POLR1A: variants seen among roughly 807,000 people sequenced by gnomAD.
POLR1A encodes the protein RNA polymerase I subunit A.
In POLR1A, 84 loss-of-function variants were observed where a neutral mutation model predicts 205.3. That is an observed-to-expected ratio of 0.41 (90% CI 0.34 to 0.49). The LOEUF is 0.49. POLR1A is among the 20% of genes least tolerant of loss of function. POLR1A has a pLI of 0.22. For missense variants in POLR1A, 1,645 were observed against 2,204.5 expected, an observed-to-expected ratio of 0.75 and a Z score of 5.08; for synonymous variants, 799 against 863.7, an observed-to-expected ratio of 0.93 and a Z score of 1.31.
At chr2:86,074,975 A>G (rs1673253323) in intron 12 of POLR1A, 55 bp downstream of exon 12, 1 of 1,261,866 alleles carries the variant, frequency 7.9e-7, no homozygotes, top group Non-Finnish European at 1.1e-6. Flanking sequence ...GCCACCAATC[A>G]CCAGAATCCG....
At chr2:86,082,869 C>T (rs760041130) in intron 7 of POLR1A, among the ~76,000 whole-genome samples, 18 of 152,148 alleles carry the variant, frequency 1.2e-4, no homozygotes, top group Admixed American at 5.9e-4. Flanking sequence ...GGCTCAGCTG[C>T]GATAATTGTC....
chr2:86,055,773 G>A (rs1422115393), intron 14 of POLR1A, among the ~76,000 whole-genome samples: 4 of 152,172 alleles, frequency 2.6e-5, no homozygotes, highest in Admixed American at 1.3e-4. Context: ...ACTAGGAACA[G>A]ACTGTCACCA....
chr2:86,049,225 C>T lies in POLR1A; in HGVS notation c.2410G>A (p.Val804Met). 1 of 1,613,784 alleles carries T rather than the reference C, an allele frequency of 6.2e-7. No homozygotes were observed. The highest frequency in any genetic ancestry group is 8.5e-7 in the Non-Finnish European group (1 of 1,179,708). The change falls in exon 17 of 34, where the codon GTG becomes ATG. Residue 804 changes from valine (V) to methionine (M), a missense_variant. This residue lies in a region of POLR1A where 339 missense variants were observed against 415.1 expected (regional missense o/e 0.82). Transcript: ENST00000263857. The part of the protein sequence containing the change: ...GFTLGVEDIL[V>M]KPKADVKRQR... ...CTCTTGACATCTGCCTTTGGCTTCA[C>T]CAAAATGTCTTCCACGCCTGTGAAG...
chr2:86,089,140 T>C (rs549525918), intron 4 of POLR1A, among the ~76,000 whole-genome samples: 98 of 152,350 alleles, frequency 6.4e-4, no homozygotes, highest in Non-Finnish European at 9.7e-4. Context: ...GAATCATGAA[T>C]GCAGTGGGGG....
intron 14 of POLR1A, among the ~76,000 whole-genome samples, chr2:86,062,146 A>T (rs149879615): frequency 6.6e-6 from 1 of 152,280 alleles, no homozygotes; most frequent in African/African-American, 2.4e-5. Flanking sequence ...CTGATTCTAA[A>T]CATGGTTTTT....
intron 13 of POLR1A, among the ~76,000 whole-genome samples, chr2:86,069,481 G>A (rs1353910033): frequency 6.6e-6 from 1 of 152,200 alleles, no homozygotes; most frequent in African/African-American, 2.4e-5. Flanking sequence ...TGTCCCTCTG[G>A]ACAGCTGTGA....
chr2:86,064,217 T>G (rs1185671418), intron 14 of POLR1A, among the ~76,000 whole-genome samples: 1 of 152,116 alleles, frequency 6.6e-6, no homozygotes, highest in African/African-American at 2.4e-5. Context: ...ATGCAAGAAT[T>G]TGTTTGTGGG....
In POLR1A at chr2:86,047,169, A is replaced by G; in HGVS notation, c.2729T>C (p.Met910Thr). ...SGAKGSTVNT[M>T]QISCLLGQIE... ...CCAACCCGCCTCTGCACATACCTGC[A>G]TCGTGTTCACAGTTGAACCTTTGGC... Residue 910 changes from methionine (M) to threonine (T), a missense_variant, in exon 19 of 34, where the codon ATG becomes ACG. Met to Thr is a moderately conservative substitution (Grantham distance 81). This residue lies in a region of POLR1A where 339 missense variants were observed against 415.1 expected (regional missense o/e 0.82). Transcript: ENST00000263857. 1.2e-6 allele frequency: 2 copies of G among 1,612,910 alleles called. No homozygotes were observed. The highest frequency in any genetic ancestry group is 1.7e-6 in the Non-Finnish European group (2 of 1,178,878).
At chr2:86,086,954 T>C (rs772948652) in intron 6 of POLR1A, among the ~76,000 whole-genome samples, 1 of 152,214 alleles carries the variant, frequency 6.6e-6, no homozygotes, top group Non-Finnish European at 1.5e-5. Context: ...CAGTGTTAAC[T>C]ACCAACCATG....
At chr2:86,039,552 T>A in intron 25 of POLR1A, 90 bp from the exon 26 acceptor site, 2 of 1,486,330 alleles carry the variant, frequency 1.3e-6, no homozygotes, top group Non-Finnish European at 1.9e-6. Flanking sequence ...AGAGTTCTTT[T>A]GGAATCTGAG....
chr2:86,089,247 G>A (rs1366257908), intron 4 of POLR1A, among the ~76,000 whole-genome samples: 2 of 152,222 alleles, frequency 1.3e-5, no homozygotes, highest in African/African-American at 2.4e-5. Flanking sequence ...GGACCTCAGG[G>A]TTCTAAGGAA....
intron 14 of POLR1A, among the ~76,000 whole-genome samples, chr2:86,059,670 A>C (rs1272660698): frequency 6.6e-6 from 1 of 152,102 alleles, no homozygotes; most frequent in Non-Finnish European, 1.5e-5. Context: ...CGTTCAAGTG[A>C]TTTTCGTGCC....
chr2:86,055,528 A>G (rs1307658328), intron 14 of POLR1A, among the ~76,000 whole-genome samples: 3 of 152,234 alleles, frequency 2.0e-5, no homozygotes, highest in Non-Finnish European at 2.9e-5. Flanking sequence ...CAAAGGCAGG[A>G]GAGTGACACG....
At position 86,033,779 on chromosome 2, in the gene POLR1A, T is replaced by G; in HGVS notation, c.4043A>C (p.Lys1348Thr). 1.2e-6 allele frequency: 2 copies of G among 1,613,954 alleles called. No individual in the cohort carries two copies. Among genetic ancestry groups the G allele is most frequent in the Non-Finnish European group, 1.7e-6 (2 of 1,179,992 alleles). Residue 1348 changes from lysine to threonine, a missense_variant, in exon 28 of 34, where the codon AAA becomes ACA. Coordinates refer to ENST00000263857, the MANE Select transcript of POLR1A (RefSeq NM_015425.6). ...ILRFMETRFF[K>T]LLMESIKKKN... is the part of the protein sequence containing the mutation. ...CTTTTTGATGGATTCCATCAGAAGT[T>G]TAAAGAATCTAAAACAAGAAGAAAG...
intron 23 of POLR1A, among the ~76,000 whole-genome samples, chr2:86,042,755 G>A (rs543656740): frequency 6.8e-6 from 1 of 146,904 alleles, no homozygotes; most frequent in South Asian, 2.1e-4. Flanking sequence ...GGGGAACCCC[G>A]AAGTCACAGG....
At chr2:86,045,478 A>G in intron 20 of POLR1A, 118 bp from the exon 21 acceptor site, 2 of 1,252,412 alleles carry the variant, frequency 1.6e-6, no homozygotes, top group Non-Finnish European at 2.3e-6. Flanking sequence ...CCCTTCCCTG[A>G]TCTCCTAGGA....
Position 86,040,423 on chromosome 2 carries a change from C to T in POLR1A, c.3709G>A (p.Gly1237Ser). 1 of 1,612,642 alleles carries T rather than the reference C, an allele frequency of 6.2e-7. No individual in the cohort carries two copies. Among genetic ancestry groups the T allele is most frequent in the South Asian group, 1.1e-5 (1 of 90,874 alleles). The change falls in exon 25 of 34, where the codon GGC (glycine) becomes AGC (serine). Residue 1237 changes from glycine to serine, a missense_variant. By Grantham distance (56) the Gly-to-Ser change is moderately conservative. This residue lies in a region of POLR1A where 13 missense variants were observed against 55.1 expected (regional missense o/e 0.24). Coordinates refer to ENST00000263857, the MANE Select transcript of POLR1A (RefSeq NM_015425.6). ...TLNTFHFAGRGEMNVTLGIPR... is the reference protein window; with the variant it reads ...TLNTFHFAGRSEMNVTLGIPR... ...ATGCCCAGGGTGACGTTCATCTCGC[C>T]TCTGCCTGCAAAGTGGAAGGTGTTG...
At chr2:86,090,368 C>T (rs1673579338) in intron 3 of POLR1A, among the ~76,000 whole-genome samples, 1 of 114,878 alleles carries the variant, frequency 8.7e-6, no homozygotes. Context: ...AGCCTGGGTA[C>T]AGAGCCAGAC....
intron 13 of POLR1A, among the ~76,000 whole-genome samples, chr2:86,068,739 C>T (rs1416633605): frequency 6.6e-6 from 1 of 152,180 alleles, no homozygotes; most frequent in Admixed American, 6.5e-5. Context: ...CAAAGGTGGG[C>T]AGAGAAGGGA....
Sources: allele counts gnomAD v4.1 joint callset (sites outside exome capture counted in the v4.1 genomes callset), GRCh38; gene constraint gnomAD v4.1.1; regional missense constraint gnomAD v4.1.1; transcripts MANE v1.5; gene names NCBI Gene and HGNC (gene_info 2026-07-23, HGNC 2026-07-21).